ACKR3: variants seen among roughly 807,000 people sequenced by gnomAD.
ACKR3 encodes the protein C-X-C chemokine receptor type 7.
In ACKR3, 6 loss-of-function variants were observed where a neutral mutation model predicts 22.4. The observed-to-expected ratio is 0.27, with a 90% CI of 0.15 to 0.53. The LOEUF is 0.53. ACKR3 is among the 20% of genes least tolerant of loss of function. The probability of loss-of-function intolerance (pLI) is 0.96; values close to 1 mark genes in which losing one functional copy is unlikely to be tolerated. For missense variants in ACKR3, 396 were observed against 475.2 expected, an observed-to-expected ratio of 0.83 and a Z score of 1.55; for synonymous variants, 209 against 205.2, an observed-to-expected ratio of 1.02 and a Z score of -0.16.
chr2:236,538,451 C>A, the ACKR3 span, among the ~76,000 whole-genome samples: 2 of 152,214 alleles, frequency 1.3e-5, no homozygotes, highest in East Asian at 3.8e-4. Flanking sequence ...GTGGGCTCAC[C>A]ACCCTGACCT....
At chr2:236,546,432 T>G in the ACKR3 span, among the ~76,000 whole-genome samples, 1 of 152,216 alleles carries the variant, frequency 6.6e-6, no homozygotes, top group Admixed American at 6.5e-5. This position sits in a 1 kb window ranked among gnomAD's most constrained non-coding sequence, Gnocchi z 4.9. Context: ...CATAGATACT[T>G]TTCCACTATA....
chr2:236,562,548 A>AAG, the ACKR3 span, among the ~76,000 whole-genome samples: 2 of 152,216 alleles, frequency 1.3e-5, no homozygotes, highest in East Asian at 3.9e-4. Flanking sequence ...GTCACAAGGT[A>AAG]AGAGTATGTT....
chr2:236,557,014 T>C, the ACKR3 span, among the ~76,000 whole-genome samples: 2 of 152,130 alleles, frequency 1.3e-5, no homozygotes, highest in Non-Finnish European at 2.9e-5. Context: ...GCCACTAACA[T>C]TATGGTGATT....
the ACKR3 span, among the ~76,000 whole-genome samples, chr2:236,552,994 G>A: frequency 6.6e-6 from 1 of 152,186 alleles, no homozygotes; most frequent in South Asian, 2.1e-4. Flanking sequence ...CTGCACATTG[G>A]CCCATGCTTG....
Position 236,580,532 on chromosome 2 carries a change from A to T in ACKR3, c.67A>T (p.Ser23Cys). ...CTCGGACATCAGCTGGCCATGCAAC[A>T]GCAGCGACTGCATCGTGGTGGACAC... ...NFSDISWPCNSSDCIVVDTVM... is the reference protein window; with the variant it reads ...NFSDISWPCNCSDCIVVDTVM... Residue 23 changes from serine to cysteine, a missense_variant, in exon 2 of 2, where the codon AGC (serine) becomes TGC (cysteine). Physicochemically the swap from Ser to Cys is moderately radical, Grantham distance 112 (BLOSUM62 -1). Coordinates refer to ENST00000272928, the MANE Select transcript of ACKR3 (RefSeq NM_020311.3). 6.2e-7 allele frequency: 1 copy of T among 1,614,264 alleles called. No individual in the cohort carries two copies. Among genetic ancestry groups the T allele is most frequent in the Non-Finnish European group, 8.5e-7 (1 of 1,180,038 alleles).
At chr2:236,537,786 C>T in the ACKR3 span, among the ~76,000 whole-genome samples, 119 of 152,372 alleles carry the variant, frequency 7.8e-4, no homozygotes, top group Non-Finnish European at 1.3e-3. Flanking sequence ...CCCACGTGCT[C>T]TCTTCCACCG....
chr2:236,568,618 C>T (rs1691240507), upstream of ACKR3, among the ~76,000 whole-genome samples: 1 of 152,186 alleles, frequency 6.6e-6, no homozygotes, highest in Admixed American at 6.5e-5. Context: ...ACCTCGCCTC[C>T]CGCTGGGCAG....
the ACKR3 span, among the ~76,000 whole-genome samples, chr2:236,538,005 G>T: frequency 1.3e-5 from 2 of 151,984 alleles, no homozygotes; most frequent in African/African-American, 4.8e-5. Flanking sequence ...GTTGGAAGTA[G>T]GTATTCCAAA....
rs577932047 is a variant in ACKR3, at chr2:236,574,990, C to G, written c.-27+5066C>G. 6.6e-6 allele frequency among the ~76,000 whole-genome samples: 1 copy of G among 151,960 alleles called. No individual in the cohort carries two copies. The highest frequency in any genetic ancestry group is 1.5e-5 in the Non-Finnish European group (1 of 68,006). ...GTTCTCTCCCTGTCACTGCAACGTG[C>G]GACAGGGCCGCTAAAAAGGTGACCC... On this transcript the variant is annotated intron_variant, in intron 1 of 1. Coordinates refer to ENST00000272928, the MANE Select transcript of ACKR3 (RefSeq NM_020311.3). This position sits in a 1 kb window ranked among gnomAD's most constrained non-coding sequence, Gnocchi z 5.6.
At chr2:236,567,345 A>G (rs914390874), upstream of ACKR3, among the ~76,000 whole-genome samples, 1 of 152,094 alleles carries the variant, frequency 6.6e-6, no homozygotes, top group Non-Finnish European at 1.5e-5. Context: ...TGAAACTTGC[A>G]CTATGCTTTC....
the ACKR3 span, among the ~76,000 whole-genome samples, chr2:236,549,065 T>C: frequency 2.0e-5 from 3 of 152,252 alleles, no homozygotes; most frequent in Non-Finnish European, 4.4e-5. This position sits in a 1 kb window ranked among gnomAD's most constrained non-coding sequence, Gnocchi z 5.3. Flanking sequence ...ACTGCTTTAA[T>C]GTGTTACTAA....
Position 236,574,578 on chromosome 2 carries a change from T to A in ACKR3, c.-27+4654T>A, listed in dbSNP as rs1490901143. On this transcript the variant is annotated intron_variant, in intron 1 of 1. Coordinates refer to ENST00000272928, the MANE Select transcript of ACKR3 (RefSeq NM_020311.3). This position sits in a 1 kb window ranked among gnomAD's most constrained non-coding sequence, Gnocchi z 5.6. The stretch of plus-strand genomic sequence containing the variant: ...GGAGTTTGGAGGGACACTGGCCAGG[T>A]GCCTGAACACGTGGCATTCTCTGGA... Among the ~76,000 whole-genome samples, 1 of 152,026 alleles carries A rather than the reference T, an allele frequency of 6.6e-6. No homozygotes were observed. The highest frequency in any genetic ancestry group is 1.5e-5 in the Non-Finnish European group (1 of 67,990).
rs1163450390 is a variant in ACKR3 at position 236,577,993 on chromosome 2, T to A, written c.-26-2447T>A. 1.3e-5 allele frequency among the ~76,000 whole-genome samples: 2 copies of A among 152,176 alleles called. No homozygotes were observed. Among genetic ancestry groups the A allele is most frequent in the African/African-American group, 4.8e-5 (2 of 41,430 alleles). On this transcript the variant is annotated intron_variant, in intron 1 of 1. Coordinates refer to ENST00000272928, the MANE Select transcript of ACKR3 (RefSeq NM_020311.3). This position sits in a 1 kb window ranked among gnomAD's most constrained non-coding sequence, Gnocchi z 5.6. ...CAGATGAGATCATGGGGGAAAGTGTTTTGGAAACCAAGCCATGATGCAAAT... is the reference window on the plus strand; with the variant it reads ...CAGATGAGATCATGGGGGAAAGTGTATTGGAAACCAAGCCATGATGCAAAT...
At chr2:236,545,357 A>G in the ACKR3 span, among the ~76,000 whole-genome samples, 2 of 152,184 alleles carry the variant, frequency 1.3e-5, no homozygotes, top group African/African-American at 4.8e-5. This position sits in a 1 kb window ranked among gnomAD's most constrained non-coding sequence, Gnocchi z 5.3. Flanking sequence ...ACCCTGCCTA[A>G]GAAGACAACA....
At chr2:236,543,957 A>AC in the ACKR3 span, among the ~76,000 whole-genome samples, 1 of 56,266 alleles carries the variant, frequency 1.8e-5, no homozygotes, top group East Asian at 6.5e-4. Context: ...ATATATATAT[A>AC]TATATATATA....
In ACKR3 at chr2:236,581,804, G is replaced by A. The variant is rs1691546440; in HGVS notation, c.*250G>A. Reference sequence around the variant, plus strand: ...GCAGTGCTGTGCGTCAGAGCCAGCTGAGGACAGGCTTGCCTGGACTTCTGT... The same window carrying A: ...GCAGTGCTGTGCGTCAGAGCCAGCTAAGGACAGGCTTGCCTGGACTTCTGT... On this transcript the variant is annotated 3_prime_UTR_variant, in exon 2 of 2. Coordinates refer to ENST00000272928, the MANE Select transcript of ACKR3 (RefSeq NM_020311.3). The surrounding 1 kb of genome is among the most constrained non-coding windows in gnomAD (Gnocchi z 4.4). 2.6e-6 allele frequency: 1 copy of A among 380,426 alleles called. No individual in the cohort carries two copies. The highest frequency in any genetic ancestry group is 4.9e-6 in the Non-Finnish European group (1 of 204,828). The allele number at this position is 380,426 out of a possible 1,614,324, so 23.6% of individuals were successfully genotyped here.
chr2:236,539,306 CTTTTTTTTT>C, the ACKR3 span, among the ~76,000 whole-genome samples: 5 of 120,740 alleles, frequency 4.1e-5, no homozygotes, highest in East Asian at 1.1e-3. Context: ...TTTTTCTTTT[CTTTTTTTTT>C]TTTTTTTTTG....
Position 236,581,236 on chromosome 2 carries a change from C to T in ACKR3, c.771C>T (p.Tyr257=), listed in dbSNP as rs572775769. Residue 257 remains tyrosine, a synonymous_variant, in exon 2 of 2, where the codon TAC becomes TAT. Coordinates refer to ENST00000272928, the MANE Select transcript of ACKR3 (RefSeq NM_020311.3). The surrounding 1 kb of genome is among the most constrained non-coding windows in gnomAD (Gnocchi z 4.4). ...GCAGCCGGAAGATCATCTTCTCCTACGTGGTGGTCTTCCTTGTCTGCTGGC... is the reference window on the plus strand; with the variant it reads ...GCAGCCGGAAGATCATCTTCTCCTATGTGGTGGTCTTCCTTGTCTGCTGGC... The part of the protein sequence containing the change: ...KHSSRKIIFS[Y]VVVFLVCWLP... 2.4e-5 allele frequency: 38 copies of T among 1,614,074 alleles called. No homozygotes were observed. The highest frequency in any genetic ancestry group is 1.8e-4 in the Admixed American group (11 of 60,034).
At chr2:236,561,145 C>A in the ACKR3 span, among the ~76,000 whole-genome samples, 2 of 151,948 alleles carry the variant, frequency 1.3e-5, no homozygotes, top group Admixed American at 1.3e-4. Flanking sequence ...TTACTAGAGG[C>A]GAGAGTTTGG....
Sources: gnomAD v4.1 joint callset for allele counts (sites outside exome capture counted in the v4.1 genomes callset) on GRCh38, gnomAD v4.1.1 for gene constraint, Gnocchi (gnomAD v3.1) non-coding constraint, MANE v1.5 for transcripts, NCBI Gene and HGNC (gene_info 2026-07-23, HGNC 2026-07-21) for gene names.